Variants in KCNQ4 observed in about 807,000 individuals in gnomAD.
KCNQ4 encodes the protein potassium voltage-gated channel subfamily KQT member 4.
KCNQ4 carries 31 observed loss-of-function variants against 72.6 expected under a neutral mutation model. The observed-to-expected ratio is 0.43, with a 90% CI of 0.32 to 0.58. The LOEUF is 0.58. Among genes scored for constraint, KCNQ4 ranks in the 20% least tolerant of loss-of-function variants. The probability of loss-of-function intolerance (pLI) is 0.08; values close to 1 mark genes in which losing one functional copy is unlikely to be tolerated. For missense variants in KCNQ4, 869 were observed against 962.6 expected (o/e 0.90, Z 1.29); for synonymous variants, 405 against 403.7 (o/e 1.00, Z -0.04).
intron 1 of KCNQ4, among the ~76,000 whole-genome samples, chr1:40,801,572 C>T (rs983888343): frequency 3.9e-5 from 6 of 152,212 alleles, no homozygotes; most frequent in African/African-American, 1.4e-4. Flanking sequence ...GATCAAGTAC[C>T]TGCATTCATG....
chr1:40,786,181 G>A (rs1041339132), intron 1 of KCNQ4, among the ~76,000 whole-genome samples: 6 of 152,142 alleles, frequency 3.9e-5, no homozygotes, highest in African/African-American at 1.4e-4. Flanking sequence ...ACCCCCCAGA[G>A]AACAACTGTG....
At chr1:40,809,997 G>A (rs1353898323) in intron 1 of KCNQ4, among the ~76,000 whole-genome samples, 2 of 151,830 alleles carry the variant, frequency 1.3e-5, no homozygotes, top group African/African-American at 2.4e-5. Flanking sequence ...CCCAGGAGGC[G>A]GAGGTTGCAG....
intron 9 of KCNQ4, among the ~76,000 whole-genome samples, chr1:40,825,380 T>G (rs754152548): frequency 2.8e-4 from 43 of 152,166 alleles, no homozygotes; most frequent in Non-Finnish European, 5.0e-4. Flanking sequence ...ATTCTGAACC[T>G]GTGTGTCCTG....
At position 40,784,253 on chromosome 1, in the gene KCNQ4, C is replaced by A; in HGVS notation, c.160C>A (p.Pro54Thr). Residue 54 changes from proline to threonine, a missense_variant, in exon 1 of 14, where the codon CCG becomes ACG. This residue lies in a region of KCNQ4 where 178 missense variants were observed against 145.3 expected (regional missense o/e 1.22). Coordinates refer to ENST00000347132, the MANE Select transcript of KCNQ4 (RefSeq NM_004700.4). This position sits in a 1 kb window ranked among gnomAD's most constrained non-coding sequence, Gnocchi z 4.1. ...CGGCCTCCTGGGCAGCCCCCTGCCG[C>A]CGGGCGCGCCCCTCCCTGGGCCGGG... ...RLGLLGSPLP[P>T]GAPLPGPGSG... 1 of 1,386,010 alleles carries A rather than the reference C, an allele frequency of 7.2e-7. No individual in the cohort carries two copies. Among genetic ancestry groups the A allele is most frequent in the Admixed American group, 3.7e-5 (1 of 27,240 alleles). The allele number at this position is 1,386,010 out of a possible 1,614,324, so 85.9% of individuals were successfully genotyped here.
chr1:40,784,419 A>G lies in KCNQ4; in HGVS notation c.314+12A>G, dbSNP rs1647183793. The G allele has an allele frequency of 6.2e-7, 1 of 1,602,166 alleles. No homozygotes were observed. The highest frequency in any genetic ancestry group is 1.7e-5 in the Admixed American group (1 of 59,710). Reference sequence around the variant, plus strand: ...TACCACGTCTTCATGTGAGTTTGCGACCCCGCGCCCTTCCGCGTTTCCCCG... The same window carrying G: ...TACCACGTCTTCATGTGAGTTTGCGGCCCCGCGCCCTTCCGCGTTTCCCCG... On this transcript the variant is annotated intron_variant, in intron 1 of 13. Coordinates refer to ENST00000347132, the MANE Select transcript of KCNQ4 (RefSeq NM_004700.4). This position sits in a 1 kb window ranked among gnomAD's most constrained non-coding sequence, Gnocchi z 4.1.
chr1:40,800,058 G>A lies in KCNQ4; in HGVS notation c.314+15651G>A, dbSNP rs1237431773. Among the ~76,000 whole-genome samples, 2 of 152,172 alleles carry A rather than the reference G, an allele frequency of 1.3e-5. 1 individual carries two copies. Among genetic ancestry groups the A allele is most frequent in the Non-Finnish European group, 2.9e-5 (2 of 68,034 alleles). On this transcript the variant is annotated intron_variant, in intron 1 of 13. Coordinates refer to ENST00000347132, the MANE Select transcript of KCNQ4 (RefSeq NM_004700.4). ...CCTCCTTGCTCTAGAACACATTCCA[G>A]GTAACCCTGGAATTCCCTGGCCAAA... is the stretch of plus-strand genomic sequence containing the variant.
At chr1:40,837,130 C>T (rs1337973422) in intron 12 of KCNQ4, among the ~76,000 whole-genome samples, 2 of 150,244 alleles carry the variant, frequency 1.3e-5, no homozygotes, top group Admixed American at 6.6e-5. Flanking sequence ...CTCTGTCGCC[C>T]AGGCTGGAGT....
intron 1 of KCNQ4, among the ~76,000 whole-genome samples, chr1:40,803,549 TAAG>T (rs1201802578): frequency 1.3e-5 from 2 of 152,176 alleles, no homozygotes; most frequent in African/African-American, 4.8e-5. Context: ...CGGAGGAAAC[TAAG>T]AAGAGTATCT....
At chr1:40,789,003 G>A (rs947100981) in intron 1 of KCNQ4, among the ~76,000 whole-genome samples, 4 of 152,182 alleles carry the variant, frequency 2.6e-5, no homozygotes, top group African/African-American at 9.7e-5. Flanking sequence ...ACCCGGGCCC[G>A]TGGCTCCAGC....
intron 1 of KCNQ4, among the ~76,000 whole-genome samples, chr1:40,786,732 C>T (rs1225163391): frequency 6.6e-6 from 1 of 152,124 alleles, no homozygotes; most frequent in Non-Finnish European, 1.5e-5. Flanking sequence ...CTTGCGGCCT[C>T]TCTCTTGGAT....
rs1276675997 is a variant in KCNQ4, at chr1:40,784,141, G to A, written c.48G>A (p.Gly16=). 1.4e-4 allele frequency: 141 copies of A among 1,020,950 alleles called. No individual in the cohort carries two copies. Among genetic ancestry groups the A allele is most frequent in the Non-Finnish European group, 1.7e-4 (140 of 839,128 alleles). The allele number at this position is 1,020,950 out of a possible 1,614,324, so 63.2% of individuals were successfully genotyped here. A position where few individuals can be genotyped will look rare whatever the true frequency, so the allele number is the denominator to read the frequency against. Residue 16 remains glycine, a synonymous_variant, in exon 1 of 14, where the codon GGG becomes GGA. Coordinates refer to ENST00000347132, the MANE Select transcript of KCNQ4 (RefSeq NM_004700.4). The surrounding 1 kb of genome is among the most constrained non-coding windows in gnomAD (Gnocchi z 4.1). ...GCCTCGGCCTGGGTCCCCCGCCCGG[G>A]GACGCCCCCCGCGCGGAGCTAGTGG... ...PRRLGLGPPP[G]DAPRAELVAL...
At position 40,805,632 on chromosome 1, in the gene KCNQ4, G is replaced by C. The variant is rs902771669; in HGVS notation, c.315-11633G>C. Among the ~76,000 whole-genome samples, 26 of 127,448 alleles carry C rather than the reference G, an allele frequency of 2.0e-4. No homozygotes were observed. The South Asian group carries it at 3.6e-3, about 18-fold the overall frequency. The allele number at this position is 127,448 out of a possible 152,430, so 83.6% of individuals were successfully genotyped here. A position where few individuals can be genotyped will look rare whatever the true frequency, so the allele number is the denominator to read the frequency against. ...GCTCAGACACAGCATGAGTAAAGGT[G>C]GGGAGGGGAAAAGAGCGCGTTTGCC... On this transcript the variant is annotated intron_variant, in intron 1 of 13. Coordinates refer to ENST00000347132, the MANE Select transcript of KCNQ4 (RefSeq NM_004700.4).
intron 1 of KCNQ4, among the ~76,000 whole-genome samples, chr1:40,815,302 A>C (rs980343629): frequency 2.0e-5 from 3 of 151,960 alleles, no homozygotes; most frequent in African/African-American, 7.2e-5. Context: ...AGAAGTCCCC[A>C]GAGTGGCCCA....
Position 40,783,801 on chromosome 1 carries a change from G to T in KCNQ4, c.-293G>T, listed in dbSNP as rs1342163340. ...CGGGGGAGGGTGACATGTGAGCGGC[G>T]CGCGCCGGTGGCAGGTGGAAAGGCG... On this transcript the variant is annotated 5_prime_UTR_variant, in exon 1 of 14. Coordinates refer to ENST00000347132, the MANE Select transcript of KCNQ4 (RefSeq NM_004700.4). The surrounding 1 kb of genome is among the most constrained non-coding windows in gnomAD (Gnocchi z 4.4). 1 of 151,962 alleles carries T rather than the reference G, an allele frequency of 6.6e-6. No individual in the cohort carries two copies. Among genetic ancestry groups the T allele is most frequent in the Non-Finnish European group, 1.5e-5 (1 of 67,974 alleles). 9.4% of individuals were successfully genotyped at this position (151,962 alleles called of 1,614,324 possible).
rs1225353162 is a variant in KCNQ4, at chr1:40,784,697, C to A, written c.314+290C>A. 6.6e-6 allele frequency among the ~76,000 whole-genome samples: 1 copy of A among 152,240 alleles called. No homozygotes were observed. The highest frequency in any genetic ancestry group is 1.5e-5 in the Non-Finnish European group (1 of 68,018). ...GCTCCTCTGTCCCAGGTACTCCCGA[C>A]CGCCAGCTGCCTCCCCCAAGTCCGC... is the stretch of plus-strand genomic sequence containing the variant. On this transcript the variant is annotated intron_variant, in intron 1 of 13. Coordinates refer to ENST00000347132, the MANE Select transcript of KCNQ4 (RefSeq NM_004700.4). This position sits in a 1 kb window ranked among gnomAD's most constrained non-coding sequence, Gnocchi z 4.1.
In KCNQ4 at chr1:40,835,021, C is replaced by A; in HGVS notation, c.1668C>A (p.Tyr556Ter). 6.2e-7 allele frequency: 1 copy of A among 1,614,020 alleles called. No homozygotes were observed. Among genetic ancestry groups the A allele is most frequent in the South Asian group, 1.1e-5 (1 of 91,084 alleles). ...AATTCAAGGAGACACTGCGACCGTA[C>A]GACGTGAAGGACGTCATTGAGCAGT... is the stretch of plus-strand genomic sequence containing the variant. The part of the protein sequence containing the change: ...KRKFKETLRP[Y>*]DVKDVIEQYS... Residue 556 changes from tyrosine to a stop codon, truncating the protein, a stop_gained, in exon 12 of 14, where the codon TAC becomes TAA. Coordinates refer to ENST00000347132, the MANE Select transcript of KCNQ4 (RefSeq NM_004700.4). LOFTEE classifies it high-confidence loss of function.
rs753040 is a variant in KCNQ4, at chr1:40,786,537, A to G, written c.314+2130A>G. Among the ~76,000 whole-genome samples, 417 of 152,290 alleles carry G rather than the reference A, an allele frequency of 2.7e-3. 3 individuals are homozygous for G. Among genetic ancestry groups the G allele is most frequent in the African/African-American group, 9.5e-3 (393 of 41,548 alleles). On this transcript the variant is annotated intron_variant, in intron 1 of 13. Transcript: ENST00000347132. ...GGCATGTCTTGGGAACTCTGGGGGA[A>G]GAAGTATGGTGTGAAAGTGTCCTGG...
chr1:40,789,576 CCTT>C (rs1429294856), intron 1 of KCNQ4, among the ~76,000 whole-genome samples: 1 of 152,116 alleles, frequency 6.6e-6, no homozygotes. Flanking sequence ...TCCTTTGCCT[CCTT>C]CTTCTGAAGT....
chr1:40,813,237 G>C (rs926072837), intron 1 of KCNQ4, among the ~76,000 whole-genome samples: 4 of 152,192 alleles, frequency 2.6e-5, no homozygotes, highest in African/African-American at 9.7e-5. Context: ...GAAGTCCGAC[G>C]AGAGTTTTGT....
Sources: gnomAD v4.1 joint callset for allele counts (sites outside exome capture counted in the v4.1 genomes callset) on GRCh38, gnomAD v4.1.1 for gene constraint, gnomAD v4.1.1 regional missense constraint, Gnocchi (gnomAD v3.1) non-coding constraint, MANE v1.5 for transcripts, NCBI Gene and HGNC (gene_info 2026-07-23, HGNC 2026-07-21) for gene names.